ACTR3C: variants seen among roughly 807,000 people sequenced by gnomAD.
ACTR3C encodes the protein actin-related protein 3C.
Under a neutral mutation model 26.3 loss-of-function variants are expected in ACTR3C, and 18 were observed. The ratio of observed to expected loss-of-function variants is 0.68; its 90% CI spans 0.47 to 1.01. The LOEUF is 1.01. ACTR3C is among the 50% of genes least tolerant of loss of function. The probability of loss-of-function intolerance (pLI) is 0.00; values close to 1 mark genes in which losing one functional copy is unlikely to be tolerated. For synonymous variants in ACTR3C, 55 were observed against 94.5 expected (o/e 0.58, Z 2.42); for missense variants, 184 against 250.7 (o/e 0.73, Z 1.80).
chr7:150,037,139 C>CACT, the ACTR3C span, among the ~76,000 whole-genome samples: 1 of 56,394 alleles, frequency 1.8e-5, no homozygotes, highest in African/African-American at 6.0e-5. Context: ...TCAGTCCCTG[C>CACT]CTCGTGGGGG....
At chr7:150,009,903 C>T in the ACTR3C span, among the ~76,000 whole-genome samples, 32 of 152,362 alleles carry the variant, frequency 2.1e-4, no homozygotes, top group African/African-American at 6.7e-4. Flanking sequence ...CATATTCAGT[C>T]CTTCTTCAGC....
chr7:150,117,266 A>G, the ACTR3C span, among the ~76,000 whole-genome samples: 1 of 152,230 alleles, frequency 6.6e-6, no homozygotes, highest in Non-Finnish European at 1.5e-5. Flanking sequence ...GGCTGAGGCC[A>G]GGGAGCCAAG....
chr7:150,042,655 TG>T, the ACTR3C span, among the ~76,000 whole-genome samples: 33 of 151,732 alleles, frequency 2.2e-4, no homozygotes, highest in Non-Finnish European at 3.1e-4. Flanking sequence ...CATCACAAAA[TG>T]GGGGGCCTTT....
the ACTR3C span, among the ~76,000 whole-genome samples, chr7:150,053,468 G>C: frequency 1.3e-5 from 2 of 152,270 alleles, no homozygotes; most frequent in Non-Finnish European, 2.9e-5. Flanking sequence ...GAGAAAGCTT[G>C]TGTCTGTTCT....
chr7:149,985,386 C>T, the ACTR3C span, among the ~76,000 whole-genome samples: 1 of 152,160 alleles, frequency 6.6e-6, no homozygotes, highest in Non-Finnish European at 1.5e-5. Context: ...TCAACAGTAC[C>T]CACACCGGTG....
At chr7:150,220,776 C>A in the ACTR3C span, among the ~76,000 whole-genome samples, 1,199 of 150,462 alleles carry the variant, frequency 8.0e-3, no homozygotes, top group Non-Finnish European at 0.012. Context: ...GCAGAGCCAC[C>A]GCTGCAAGGA....
chr7:149,983,521 G>A, the ACTR3C span, among the ~76,000 whole-genome samples: 1 of 147,390 alleles, frequency 6.8e-6, no homozygotes, highest in African/African-American at 2.5e-5. Flanking sequence ...GTACATTATT[G>A]GGGGGGAATG....
At chr7:150,272,690 G>GTTTTTTTTTTTT (rs201919346) in intron 6 of ACTR3C, among the ~76,000 whole-genome samples, 2 of 114,036 alleles carry the variant, frequency 1.8e-5, no homozygotes, top group African/African-American at 4.0e-5. Flanking sequence ...TGTTTTTTTG[G>GTTTTTTTTTTTT]TTTTTTTTTT....
At chr7:150,036,862 CA>C in the ACTR3C span, among the ~76,000 whole-genome samples, 41 of 118,294 alleles carry the variant, frequency 3.5e-4, 2 homozygotes, top group East Asian at 2.3e-3. Context: ...GGTCCTAAGC[CA>C]GGGGGGGATG....
At chr7:149,953,154 T>A in the ACTR3C span, among the ~76,000 whole-genome samples, 1 of 149,050 alleles carries the variant, frequency 6.7e-6, no homozygotes, top group East Asian at 1.9e-4. Context: ...TAAAACATGC[T>A]CATCATTTAT....
At chr7:150,067,609 C>A in the ACTR3C span, among the ~76,000 whole-genome samples, 2 of 152,024 alleles carry the variant, frequency 1.3e-5, no homozygotes, top group African/African-American at 4.8e-5. Flanking sequence ...AAATCACTTA[C>A]CACCCAGAAC....
the ACTR3C span, among the ~76,000 whole-genome samples, chr7:150,015,172 G>A: frequency 1.1e-4 from 16 of 152,058 alleles, no homozygotes; most frequent in African/African-American, 3.6e-4. Flanking sequence ...ACTCTCTAGG[G>A]GGACTGGCTC....
At chr7:150,311,347 G>A (rs918757762) in intron 1 of ACTR3C, among the ~76,000 whole-genome samples, 1 of 152,140 alleles carries the variant, frequency 6.6e-6, no homozygotes, top group Non-Finnish European at 1.5e-5. Context: ...ACAGTTCTAG[G>A]CTGGCCCTCA....
At chr7:150,261,594 TG>T (rs1833639682) in intron 6 of ACTR3C, among the ~76,000 whole-genome samples, 1 of 152,210 alleles carries the variant, frequency 6.6e-6, no homozygotes, top group African/African-American at 2.4e-5. Context: ...CCCAGCTACT[TG>T]GGAGGCTGAG....
the ACTR3C span, among the ~76,000 whole-genome samples, chr7:149,888,733 C>T: frequency 7.2e-5 from 11 of 152,252 alleles, no homozygotes; most frequent in South Asian, 2.1e-3. Flanking sequence ...TGTTGCTGGG[C>T]GTGGTGGCTC....
chr7:150,204,689 AG>A, the ACTR3C span, among the ~76,000 whole-genome samples: 51 of 152,210 alleles, frequency 3.4e-4, no homozygotes, highest in Non-Finnish European at 6.0e-4. Flanking sequence ...GTGAGTGCAG[AG>A]GAGGAGCAAG....
the ACTR3C span, among the ~76,000 whole-genome samples, chr7:149,928,596 C>A: frequency 6.6e-6 from 1 of 151,810 alleles, no homozygotes; most frequent in Non-Finnish European, 1.5e-5. Flanking sequence ...AATCCCAACA[C>A]CTTGGGAGGC....
At chr7:149,961,641 G>A in the ACTR3C span, among the ~76,000 whole-genome samples, 2 of 151,958 alleles carry the variant, frequency 1.3e-5, no homozygotes, top group Non-Finnish European at 2.9e-5. Context: ...CTCACAGGAA[G>A]TATACACATA....
chr7:150,036,833 C>G, the ACTR3C span, among the ~76,000 whole-genome samples: 1 of 132,736 alleles, frequency 7.5e-6, no homozygotes, highest in South Asian at 2.3e-4. Flanking sequence ...TCCTAAGGAT[C>G]TTAGGAGCAA....
Sources: allele counts gnomAD v4.1 joint callset (sites outside exome capture counted in the v4.1 genomes callset), GRCh38; gene constraint gnomAD v4.1.1; transcripts MANE v1.5; gene names NCBI Gene and HGNC (gene_info 2026-07-23, HGNC 2026-07-21).